Variants in RIMBP2 observed in about 807,000 individuals in gnomAD.
The protein encoded by RIMBP2 is RIMS-binding protein 2.
A neutral mutation model predicts 118.6 loss-of-function variants in RIMBP2; 48 were observed. That is an observed-to-expected ratio of 0.40 (90% CI 0.32 to 0.51). The LOEUF (loss-of-function observed/expected upper bound fraction) is 0.51. RIMBP2 is among the 20% of genes least tolerant of loss of function. The pLI, the probability that RIMBP2 is intolerant of heterozygous loss-of-function variation, is 0.41. For synonymous variants in RIMBP2, 762 were observed against 742.9 expected, an observed-to-expected ratio of 1.03 and a Z score of -0.42; for missense variants, 1,551 against 1,768.3, an observed-to-expected ratio of 0.88 and a Z score of 2.20.
chr12:130,526,085 C>T (rs959709785), intron 2 of RIMBP2, among the ~76,000 whole-genome samples: 2 of 152,048 alleles, frequency 1.3e-5, no homozygotes, highest in African/African-American at 4.8e-5. Flanking sequence ...AGAAATGCCT[C>T]CAGTTGGCAG....
intron 4 of RIMBP2, among the ~76,000 whole-genome samples, chr12:130,485,901 C>T (rs904893671): frequency 2.6e-5 from 4 of 152,182 alleles, no homozygotes; most frequent in Non-Finnish European, 5.9e-5. Flanking sequence ...GAACCAAGTC[C>T]GTACAAAGCA....
intron 14 of RIMBP2, chr12:130,432,086 T>C: frequency 2.7e-6 from 1 of 367,884 alleles, no homozygotes; most frequent in South Asian, 2.1e-5. Context: ...CCAGTGGGGG[T>C]ATGGGTCCTT....
intron 2 of RIMBP2, among the ~76,000 whole-genome samples, chr12:130,619,756 G>C (rs149208635): frequency 2.0e-5 from 3 of 152,262 alleles, no homozygotes; most frequent in Non-Finnish European, 4.4e-5. Context: ...CTAATCCGAA[G>C]CCCTTTTGTT....
At chr12:130,679,106 CCAA>C (rs2064646172) in intron 1 of RIMBP2, among the ~76,000 whole-genome samples, 1 of 152,194 alleles carries the variant, frequency 6.6e-6, no homozygotes. Context: ...TGATCATTTC[CCAA>C]CAACAACCAA....
intron 17 of RIMBP2, among the ~76,000 whole-genome samples, chr12:130,421,481 A>C (rs896676343): frequency 5.3e-5 from 8 of 152,214 alleles, no homozygotes; most frequent in Admixed American, 4.6e-4. Flanking sequence ...ATTTCAAAGA[A>C]TCTGTTTTGC....
intron 1 of RIMBP2, among the ~76,000 whole-genome samples, chr12:130,637,687 C>A (rs1401553307): frequency 1.3e-5 from 2 of 152,166 alleles, no homozygotes; most frequent in Non-Finnish European, 2.9e-5. Flanking sequence ...ACCCTGATGC[C>A]TAACAGAATG....
intron 4 of RIMBP2, among the ~76,000 whole-genome samples, chr12:130,504,049 G>C (rs7295790): frequency 0.79 from 119,546 of 152,132 alleles, 47,665 homozygotes; most frequent in Admixed American, 0.86. Flanking sequence ...CTGGGAGCAG[G>C]GGGGGGTGTC....
intron 4 of RIMBP2, among the ~76,000 whole-genome samples, chr12:130,486,999 C>T (rs971344215): frequency 9.2e-5 from 14 of 152,190 alleles, no homozygotes; most frequent in East Asian, 1.9e-4. Context: ...CCAACTGCAC[C>T]GGGAACAAAA....
At position 130,434,804 on chromosome 12, in the gene RIMBP2, TC is replaced by T; in HGVS notation, c.2182del (p.Asp728ThrfsTer16). The T allele has an allele frequency of 1.2e-6, 2 of 1,613,440 alleles. No homozygotes were observed. Among genetic ancestry groups the T allele is most frequent in the Non-Finnish European group, 1.7e-6 (2 of 1,179,862 alleles). The part of the protein sequence containing the change: ...YAASDEEDAY[D>X]SPDFKRRGAS... ...GCCCCTCCTCTTGAAGTCTGGAGAG[TC>T]ATAGGCGTCCTCCTCGTCTGAGGCG... On this transcript the variant is annotated frameshift_variant, in exon 14 of 23. Transcript: ENST00000690449. LOFTEE classifies it high-confidence loss of function. This position sits in a 1 kb window ranked among gnomAD's most constrained non-coding sequence, Gnocchi z 5.7.
intron 13 of RIMBP2, among the ~76,000 whole-genome samples, chr12:130,435,703 A>C (rs2077463158): frequency 6.6e-6 from 1 of 152,238 alleles, no homozygotes; most frequent in South Asian, 2.1e-4. Flanking sequence ...CCACAAATTC[A>C]TGTTTAGTAT....
chr12:130,406,313 C>A (rs2075170561), intron 20 of RIMBP2, 70 bp from the exon 21 acceptor site: 5 of 1,008,736 alleles, frequency 5.0e-6, no homozygotes, highest in African/African-American at 1.6e-5. Flanking sequence ...AAAATAAGTT[C>A]TCTATGCTTT....
intron 16 of RIMBP2, among the ~76,000 whole-genome samples, chr12:130,423,388 C>G (rs1277011232): frequency 6.6e-6 from 1 of 152,208 alleles, no homozygotes; most frequent in Non-Finnish European, 1.5e-5. Flanking sequence ...CCATCGCAAG[C>G]ACACGGCCTC....
intron 7 of RIMBP2, among the ~76,000 whole-genome samples, chr12:130,452,466 A>G (rs1200748480): frequency 6.6e-6 from 1 of 152,364 alleles, no homozygotes; most frequent in South Asian, 2.1e-4. Flanking sequence ...TGTATTCACT[A>G]TAACATGGCT....
chr12:130,477,194 C>T (rs139004809), intron 5 of RIMBP2, among the ~76,000 whole-genome samples: 2 of 152,320 alleles, frequency 1.3e-5, no homozygotes, highest in East Asian at 1.9e-4. Flanking sequence ...CTGGACAGCA[C>T]ACAGAAGAGA....
chr12:130,605,145 A>G (rs190933825), intron 2 of RIMBP2, among the ~76,000 whole-genome samples: 6 of 152,230 alleles, frequency 3.9e-5, no homozygotes, highest in Non-Finnish European at 8.8e-5. Context: ...AACTCATTCC[A>G]TTGCTCAGGA....
At chr12:130,559,476 A>G (rs1593796211) in intron 2 of RIMBP2, among the ~76,000 whole-genome samples, 1 of 152,286 alleles carries the variant, frequency 6.6e-6, no homozygotes, top group African/African-American at 2.4e-5. Context: ...TTATCCAGGT[A>G]AGGGCAGATG....
At chr12:130,527,319 C>T (rs780441370) in intron 2 of RIMBP2, among the ~76,000 whole-genome samples, 3 of 152,158 alleles carry the variant, frequency 2.0e-5, no homozygotes, top group African/African-American at 4.8e-5. Context: ...TTCCCAGTGT[C>T]GGGGGAGGGT....
Position 130,616,967 on chromosome 12 carries a change from T to A in RIMBP2, c.-217+11355A>T, listed in dbSNP as rs367695923. ...GGTCCCCGCAACATGGGCCTTGGCG[T>A]CAGCTGCTGACCTGAAGTTGGGGTG... On this transcript the variant is annotated intron_variant, in intron 2 of 22. Transcript: ENST00000690449. Among the ~76,000 whole-genome samples, 15 of 152,248 alleles carry A rather than the reference T, an allele frequency of 9.9e-5. No homozygotes were observed. The South Asian group carries it at 3.1e-3, about 32-fold the overall frequency.
At chr12:130,507,225 C>G (rs552292608) in intron 3 of RIMBP2, among the ~76,000 whole-genome samples, 4 of 152,144 alleles carry the variant, frequency 2.6e-5, no homozygotes, top group Non-Finnish European at 4.4e-5. Context: ...TTTGCCATCA[C>G]GAGGGAAGAA....
Sources: allele counts gnomAD v4.1 joint callset (sites outside exome capture counted in the v4.1 genomes callset), GRCh38; gene constraint gnomAD v4.1.1; non-coding constraint Gnocchi (gnomAD v3.1); transcripts MANE v1.5; gene names NCBI Gene and HGNC (gene_info 2026-07-23, HGNC 2026-07-21).